The following LUZP2 variants were observed in gnomAD, a reference collection of about 807,000 sequenced individuals.
LUZP2 encodes leucine zipper protein 2.
In LUZP2, 52 loss-of-function variants were observed where a neutral mutation model predicts 51.6. The ratio of observed to expected loss-of-function variants is 1.01; its 90% CI spans 0.81 to 1.27. The LOEUF is 1.27. LUZP2 is among the 50% of genes most tolerant of loss of function. The pLI is 0.00. For missense variants in LUZP2, 436 were observed against 395.4 expected (o/e 1.10, Z -0.87); for synonymous variants, 154 against 137.3 (o/e 1.12, Z -0.85).
intron 1 of LUZP2, among the ~76,000 whole-genome samples, chr11:24,649,093 A>G (rs1458579952): frequency 1.3e-5 from 2 of 152,020 alleles, no homozygotes; most frequent in African/African-American, 2.4e-5. Flanking sequence ...CAAAACATGG[A>G]GAAAACATGC....
intron 5 of LUZP2, among the ~76,000 whole-genome samples, chr11:24,871,889 C>G (rs1450040573): frequency 6.6e-6 from 1 of 152,088 alleles, no homozygotes; most frequent in Non-Finnish European, 1.5e-5. Flanking sequence ...TTTCCCCAAA[C>G]TATAATAGTA....
At chr11:24,627,543 G>T (rs1854725017) in intron 1 of LUZP2, among the ~76,000 whole-genome samples, 1 of 152,182 alleles carries the variant, frequency 6.6e-6, no homozygotes, top group South Asian at 2.1e-4. Flanking sequence ...ATCCCAGGAA[G>T]GCCAAGAACA....
chr11:24,709,726 C>T (rs1387036877), intron 1 of LUZP2, among the ~76,000 whole-genome samples: 1 of 152,112 alleles, frequency 6.6e-6, no homozygotes, highest in South Asian at 2.1e-4. Context: ...ATGTATACAG[C>T]CTTCCATTGC....
At chr11:24,972,908 A>C (rs113205528) in intron 7 of LUZP2, among the ~76,000 whole-genome samples, 20 of 152,094 alleles carry the variant, frequency 1.3e-4, no homozygotes, top group African/African-American at 4.3e-4. Flanking sequence ...TATGTCTGCC[A>C]CGTTTTGGTG....
intron 5 of LUZP2, among the ~76,000 whole-genome samples, chr11:24,823,521 C>T (rs891548311): frequency 6.6e-6 from 1 of 151,812 alleles, no homozygotes; most frequent in African/African-American, 2.4e-5. Context: ...ATCAGATTTA[C>T]ATTAACAAAA....
intron 9 of LUZP2, among the ~76,000 whole-genome samples, chr11:25,044,030 T>G (rs1314852791): frequency 8.4e-5 from 4 of 47,344 alleles, no homozygotes; most frequent in Admixed American, 2.1e-4. Flanking sequence ...CTGATATATA[T>G]AGAGTCTATA....
At chr11:24,543,009 T>G (rs926768414) in intron 1 of LUZP2, among the ~76,000 whole-genome samples, 4 of 151,740 alleles carry the variant, frequency 2.6e-5, no homozygotes, top group Non-Finnish European at 4.4e-5. Flanking sequence ...TACAAGTAAA[T>G]TAAAATAAAT....
chr11:25,023,391 A>G (rs1259615989), intron 9 of LUZP2, among the ~76,000 whole-genome samples: 4 of 152,088 alleles, frequency 2.6e-5, no homozygotes, highest in Non-Finnish European at 5.9e-5. Flanking sequence ...GTGTCCAGGA[A>G]TTTAACCATT....
intron 1 of LUZP2, among the ~76,000 whole-genome samples, chr11:24,586,403 T>C (rs1378974327): frequency 6.6e-6 from 1 of 151,964 alleles, no homozygotes; most frequent in Non-Finnish European, 1.5e-5. Context: ...TTCTTTCTAC[T>C]AAGACACCTG....
intron 1 of LUZP2, among the ~76,000 whole-genome samples, chr11:24,591,206 C>G (rs189519710): frequency 3.3e-5 from 5 of 152,164 alleles, no homozygotes; most frequent in Admixed American, 3.3e-4. Context: ...TTGGAAACAT[C>G]CAAGTGGGTA....
chr11:25,074,958 A>G (rs1859258672), intron 10 of LUZP2, among the ~76,000 whole-genome samples: 1 of 152,148 alleles, frequency 6.6e-6, no homozygotes, highest in Admixed American at 6.6e-5. Flanking sequence ...CACTCTTACC[A>G]AGTGCATTTT....
chr11:25,068,508 G>T (rs2134051516), intron 10 of LUZP2, among the ~76,000 whole-genome samples: 1 of 151,974 alleles, frequency 6.6e-6, no homozygotes, highest in South Asian at 2.1e-4. Flanking sequence ...GTGCTGCCTT[G>T]ACAAGCTCTG....
intron 6 of LUZP2, among the ~76,000 whole-genome samples, chr11:24,908,538 A>G (rs1378483941): frequency 6.6e-6 from 1 of 152,190 alleles, no homozygotes; most frequent in Non-Finnish European, 1.5e-5. Context: ...CTGGAACTGT[A>G]TTTAAAATCA....
intron 1 of LUZP2, among the ~76,000 whole-genome samples, chr11:24,706,621 A>G (rs1166957044): frequency 6.6e-6 from 1 of 152,136 alleles, no homozygotes; most frequent in Non-Finnish European, 1.5e-5. Context: ...GTCAGAATTG[A>G]TGGATAATGA....
chr11:24,735,096 G>T (rs1858882385), intron 3 of LUZP2, among the ~76,000 whole-genome samples: 1 of 151,996 alleles, frequency 6.6e-6, no homozygotes, highest in South Asian at 2.1e-4. Flanking sequence ...GAGCTAGGCT[G>T]TAAGTAAATT....
chr11:25,013,497 G>C (rs933777507), intron 9 of LUZP2, among the ~76,000 whole-genome samples: 1 of 151,978 alleles, frequency 6.6e-6, no homozygotes, highest in Non-Finnish European at 1.5e-5. Context: ...CTAGTTTATT[G>C]GTACAAAATA....
intron 1 of LUZP2, among the ~76,000 whole-genome samples, chr11:24,660,938 C>A (rs1229787501): frequency 1.3e-5 from 2 of 152,014 alleles, no homozygotes; most frequent in African/African-American, 2.4e-5. Flanking sequence ...TATCAGAAAT[C>A]TTGACACTTA....
intron 9 of LUZP2, among the ~76,000 whole-genome samples, chr11:25,043,130 C>A (rs1383698557): frequency 1.3e-5 from 2 of 152,112 alleles, no homozygotes; most frequent in African/African-American, 4.8e-5. Flanking sequence ...TTTGCGATTT[C>A]TAGCTTTCAG....
intron 4 of LUZP2, among the ~76,000 whole-genome samples, chr11:24,739,429 G>A (rs1000407171): frequency 6.6e-6 from 1 of 152,044 alleles, no homozygotes; most frequent in Non-Finnish European, 1.5e-5. Context: ...GTGTGTCTCT[G>A]GGAGGAGGAC....
Sources: gnomAD v4.1 joint callset for allele counts (sites outside exome capture counted in the v4.1 genomes callset) on GRCh38, gnomAD v4.1.1 for gene constraint, MANE v1.5 for transcripts, NCBI Gene and HGNC (gene_info 2026-07-23, HGNC 2026-07-21) for gene names.